KLHL12: variants seen among roughly 807,000 people sequenced by gnomAD.
KLHL12 encodes the protein kelch-like protein 12.
Under a neutral mutation model 60.8 loss-of-function variants are expected in KLHL12, and 17 were observed. The observed-to-expected ratio is 0.28, with a 90% CI of 0.19 to 0.42. The LOEUF (loss-of-function observed/expected upper bound fraction) is 0.42, where lower values mean the gene tolerates loss of function less well. Ranked by LOEUF, KLHL12 falls within the 10% of genes least tolerant of loss-of-function variation. The pLI is 1.00. For synonymous variants in KLHL12, 220 were observed against 250.9 expected, an observed-to-expected ratio of 0.88 and a Z score of 1.16; for missense variants, 468 against 722.3, an observed-to-expected ratio of 0.65 and a Z score of 4.04.
At chr1:202,921,146 G>A (rs1472913349) in intron 2 of KLHL12, among the ~76,000 whole-genome samples, 1 of 150,914 alleles carries the variant, frequency 6.6e-6, no homozygotes, top group Non-Finnish European at 1.5e-5. Context: ...AAGTAGCTGG[G>A]ATTACAGGAG....
At chr1:202,894,837 A>C (rs1159732932) in intron 8 of KLHL12, 88 bp from the exon 9 acceptor site, 6 of 1,081,554 alleles carry the variant, frequency 5.5e-6, no homozygotes, top group Non-Finnish European at 8.4e-6. Flanking sequence ...GGGTCCTTTA[A>C]AAGTCTGAGA....
At chr1:202,910,993 A>G (rs1297023228) in intron 5 of KLHL12, 61 bp downstream of exon 5, 19 of 1,573,424 alleles carry the variant, frequency 1.2e-5, no homozygotes, top group Non-Finnish European at 1.6e-5. Flanking sequence ...AATTTTGAAT[A>G]CATAACACTA....
At chr1:202,894,454 A>T in intron 9 of KLHL12, 137 bp downstream of exon 9, 2 of 934,774 alleles carry the variant, frequency 2.1e-6, no homozygotes, top group South Asian at 1.5e-5. Context: ...AATCCCAATT[A>T]ATGGAAAATA....
At chr1:202,920,026 A>T (rs958141799) in intron 2 of KLHL12, 118 bp from the exon 3 acceptor site, 1 of 984,644 alleles carries the variant, frequency 1.0e-6, no homozygotes, top group Non-Finnish European at 1.5e-6. Flanking sequence ...ATCTTTAAAA[A>T]TTACAGGCCA....
intron 6 of KLHL12, among the ~76,000 whole-genome samples, chr1:202,903,051 C>A (rs1467592048): frequency 8.0e-5 from 12 of 149,290 alleles, no homozygotes; most frequent in Non-Finnish European, 1.5e-4. Flanking sequence ...GTCCCAGCTA[C>A]TGAGGAGGCT....
At chr1:202,922,446 AAGAG>A (rs968977771) in intron 2 of KLHL12, among the ~76,000 whole-genome samples, 12 of 151,464 alleles carry the variant, frequency 7.9e-5, no homozygotes, top group African/African-American at 2.7e-4. Flanking sequence ...AAAAAAAAAA[AAGAG>A]AGAGCGATAA....
At chr1:202,926,691 C>A (rs1222616660) in intron 1 of KLHL12, among the ~76,000 whole-genome samples, 1 of 152,190 alleles carries the variant, frequency 6.6e-6, no homozygotes, top group African/African-American at 2.4e-5. Context: ...CAAGTCTCAG[C>A]ATATCCTTCA....
intron 4 of KLHL12, among the ~76,000 whole-genome samples, chr1:202,911,456 ATCTCTCTCTCTC>A (rs10577552): frequency 6.7e-6 from 1 of 149,240 alleles, no homozygotes; most frequent in Non-Finnish European, 1.5e-5. Context: ...ATATATATGT[ATCTCTCTCTCTC>A]TCTCTCTCTC....
At chr1:202,923,699 TGTAA>T (rs1653341727) in intron 2 of KLHL12, among the ~76,000 whole-genome samples, 1 of 152,140 alleles carries the variant, frequency 6.6e-6, no homozygotes, top group African/African-American at 2.4e-5. Context: ...TTCCTTCATT[TGTAA>T]AATGAGATGG....
chr1:202,896,023 A>G (rs1659821394), intron 7 of KLHL12, among the ~76,000 whole-genome samples: 1 of 152,228 alleles, frequency 6.6e-6, no homozygotes, highest in South Asian at 2.1e-4. Flanking sequence ...GCACTGGGCT[A>G]AGAGACTGAT....
At chr1:202,923,113 A>G (rs982763225) in intron 2 of KLHL12, among the ~76,000 whole-genome samples, 1 of 152,244 alleles carries the variant, frequency 6.6e-6, no homozygotes. Flanking sequence ...CTCAAAAATA[A>G]AGACAAAACC....
At chr1:202,915,737 T>A (rs1168231535) in intron 4 of KLHL12, among the ~76,000 whole-genome samples, 2 of 152,158 alleles carry the variant, frequency 1.3e-5, no homozygotes, top group Non-Finnish European at 1.5e-5. Flanking sequence ...TTACTAGTGG[T>A]GGTATGATGG....
intron 6 of KLHL12, among the ~76,000 whole-genome samples, chr1:202,899,019 TG>T (rs1659925116): frequency 6.6e-6 from 1 of 151,804 alleles, no homozygotes; most frequent in Non-Finnish European, 1.5e-5. Context: ...GTCTGGAATT[TG>T]CTTCAAAATA....
chr1:202,894,208 T>G lies in KLHL12; in HGVS notation c.1369A>C (p.Thr457Pro), dbSNP rs752925123. 13 of 1,555,898 alleles carry G rather than the reference T, an allele frequency of 8.4e-6. No homozygotes were observed. Among genetic ancestry groups the G allele is most frequent in the African/African-American group, 1.4e-5 (1 of 73,650 alleles). ...DPHTGHWTNV[T>P]PMATKRSGAG... is the part of the protein sequence containing the mutation. ...CCAGAACGCTTGGTGGCCATTGGTG[T>G]AACATTAGTCCAATGTCCTGTATGA... Residue 457 changes from threonine to proline, a missense_variant, in exon 10 of 12, where the codon ACA (threonine) becomes CCA (proline). By Grantham distance (38) the Thr-to-Pro change is conservative (BLOSUM62 -1). Coordinates refer to ENST00000367261, the MANE Select transcript of KLHL12 (RefSeq NM_021633.4).
chr1:202,921,479 G>C (rs1373079059), intron 2 of KLHL12, among the ~76,000 whole-genome samples: 1 of 152,132 alleles, frequency 6.6e-6, no homozygotes, highest in African/African-American at 2.4e-5. Context: ...CCGGCCCTTA[G>C]ACTGCATTTA....
intron 4 of KLHL12, among the ~76,000 whole-genome samples, chr1:202,911,419 A>ATAT (rs36141808): frequency 3.4e-4 from 51 of 150,876 alleles, no homozygotes; most frequent in Admixed American, 6.6e-4. Flanking sequence ...TTAAAAAAAA[A>ATAT]ATATATATAT....
chr1:202,912,054 T>G, intron 4 of KLHL12: 1 of 785,816 alleles, frequency 1.3e-6, no homozygotes, highest in Non-Finnish European at 2.3e-6. Context: ...ACAAGGTGGA[T>G]GGAAGAGTTG....
In KLHL12 at chr1:202,893,333, G is replaced by C; in HGVS notation, c.1486C>G (p.Arg496Gly). 6.2e-7 allele frequency: 1 copy of C among 1,613,856 alleles called. No homozygotes were observed. Among genetic ancestry groups the C allele is most frequent in the Non-Finnish European group, 8.5e-7 (1 of 1,179,830 alleles). ...GTGACAGTTGTCCAGGAATCAGTGC[G>C]AATGTTGTATGCTTCAACGGAAGAA... Reference protein sequence around the residue: ...HLSSVEAYNIRTDSWTTVTSM... With the variant: ...HLSSVEAYNIGTDSWTTVTSM... Residue 496 changes from arginine (R) to glycine (G), a missense_variant, in exon 11 of 12, where the codon CGC (arginine) becomes GGC (glycine). Coordinates refer to ENST00000367261, the MANE Select transcript of KLHL12 (RefSeq NM_021633.4). This position sits in a 1 kb window ranked among gnomAD's most constrained non-coding sequence, Gnocchi z 4.1.
At chr1:202,912,649 A>G in intron 4 of KLHL12, 1 of 1,315,994 alleles carries the variant, frequency 7.6e-7, no homozygotes, top group Non-Finnish European at 1.1e-6. Flanking sequence ...GGTGGAGGCC[A>G]ATACTCTGCC....
Sources: gnomAD v4.1 joint callset for allele counts (sites outside exome capture counted in the v4.1 genomes callset) on GRCh38, gnomAD v4.1.1 for gene constraint, Gnocchi (gnomAD v3.1) non-coding constraint, MANE v1.5 for transcripts, NCBI Gene and HGNC (gene_info 2026-07-23, HGNC 2026-07-21) for gene names.